The following FAM120C variants were observed in gnomAD, a reference collection of about 807,000 sequenced individuals.
The protein encoded by FAM120C is constitutive coactivator of PPAR-gamma-like protein 2.
A neutral mutation model predicts 71.2 loss-of-function variants in FAM120C; 14 were observed. That is an observed-to-expected ratio of 0.20 (90% CI 0.13 to 0.31). The LOEUF (loss-of-function observed/expected upper bound fraction) is 0.31, where lower values mean the gene tolerates loss of function less well. FAM120C is among the 10% of genes least tolerant of loss of function. The pLI, the probability that FAM120C is intolerant of heterozygous loss-of-function variation, is 1.00. For missense variants in FAM120C, 500 were observed against 879.0 expected, an observed-to-expected ratio of 0.57 and a Z score of 5.45; for synonymous variants, 354 against 353.2, an observed-to-expected ratio of 1.00 and a Z score of -0.03.
chrX:54,179,902 T>C (rs1443048985), intron 1 of FAM120C, among the ~76,000 whole-genome samples: 3 of 112,007 alleles, frequency 2.7e-5, no homozygotes, highest in Non-Finnish European at 5.6e-5. Context: ...TGGGAATTTT[T>C]CCCCAACATT....
chrX:54,168,263 A>G (rs1242787047), intron 1 of FAM120C, among the ~76,000 whole-genome samples: 2 of 111,540 alleles, frequency 1.8e-5, no homozygotes, highest in Non-Finnish European at 3.8e-5. Flanking sequence ...CAGCCTCCCA[A>G]ATAGCTGGGA....
At chrX:54,079,564 G>A (rs782133993) in intron 15 of FAM120C, among the ~76,000 whole-genome samples, 16 of 112,464 alleles carry the variant, frequency 1.4e-4, no homozygotes, top group African/African-American at 1.6e-4. Context: ...TCGGGAGGCC[G>A]AGGCGAGTGG....
chrX:54,111,223 A>G (rs931342619), intron 10 of FAM120C, among the ~76,000 whole-genome samples: 17 of 110,672 alleles, frequency 1.5e-4, no homozygotes, highest in Non-Finnish European at 3.0e-4. Context: ...CCTGTCTCCA[A>G]AAAAAGTAAC....
chrX:54,132,884 G>A lies in FAM120C; in HGVS notation c.1891-21C>T, dbSNP rs1557129653. ...TCACCCTAACAAGAGAACATTCCAG[G>A]GAAAAGGAAAAAATGAGTTACCTCA... On this transcript the variant is annotated intron_variant, in intron 8 of 15. Transcript: ENST00000375180. 12 of 1,152,846 alleles carry A rather than the reference G, an allele frequency of 1.0e-5. No individual in the cohort carries two copies. The Admixed American group carries it at 1.6e-4, about 16-fold the overall frequency.
At chrX:54,117,391 A>C (rs1314127822) in intron 9 of FAM120C, among the ~76,000 whole-genome samples, 9 of 103,181 alleles carry the variant, frequency 8.7e-5, no homozygotes, top group South Asian at 4.4e-4. Flanking sequence ...AAATAAAATA[A>C]AATAAAATAA....
chrX:54,149,626 C>T (rs1271698104), intron 4 of FAM120C, among the ~76,000 whole-genome samples: 9 of 68,075 alleles, frequency 1.3e-4, no homozygotes, highest in African/African-American at 5.1e-4. Context: ...GCAACAAGAG[C>T]GAGGCATTGT....
Position 54,183,124 on chromosome X carries a change from T to A in FAM120C, c.75A>T (p.Lys25Asn), listed in dbSNP as rs1557137889. The stretch of plus-strand genomic sequence containing the variant: ...GCTGGCGCGAGACCGTGCGCGCGAG[T>A]TTTAGGAGGTCCACGGGCACCACGG... ...PGAVVPVDLL[K>N]LARTVSRQQQ... is the part of the protein sequence containing the mutation. Residue 25 changes from lysine (K) to asparagine (N), a missense_variant, in exon 1 of 16, where the codon AAA (lysine) becomes AAT (asparagine). Physicochemically the swap from Lys to Asn is moderately conservative, Grantham distance 94. This residue lies in a region of FAM120C where 12 missense variants were observed against 30.3 expected (regional missense o/e 0.40). Coordinates refer to ENST00000375180, the MANE Select transcript of FAM120C (RefSeq NM_017848.6). 1 of 1,152,287 alleles carries A rather than the reference T, an allele frequency of 8.7e-7. No homozygotes were observed. The highest frequency in any genetic ancestry group is 1.9e-5 in the South Asian group (1 of 51,560). 95.0% of individuals were successfully genotyped at this position (1,152,287 alleles called of 1,213,427 possible).
rs1161020318 is a variant in FAM120C at position 54,072,423 on chromosome X, AAATT to A, written c.*606_*609del. On this transcript the variant is annotated 3_prime_UTR_variant, in exon 16 of 16. Transcript: ENST00000375180. Reference sequence around the variant, plus strand: ...TTGAAGTGTATAAAATAAAAAATAAAAATTAAAATAACCAATACTACCTTACTTT... The same window carrying A: ...TTGAAGTGTATAAAATAAAAAATAAAAAAATAACCAATACTACCTTACTTT... 4 of 110,570 alleles carry A rather than the reference AAATT, an allele frequency of 3.6e-5. No individual in the cohort carries two copies. Among genetic ancestry groups the A allele is most frequent in the African/African-American group, 1.3e-4 (4 of 30,320 alleles). 9.1% of individuals were successfully genotyped at this position (110,570 alleles called of 1,213,427 possible).
chrX:54,140,152 C>T (rs781837682), intron 4 of FAM120C, among the ~76,000 whole-genome samples: 4 of 107,219 alleles, frequency 3.7e-5, no homozygotes, highest in South Asian at 8.5e-4. Flanking sequence ...AAAAATTAGC[C>T]GGGTGTGGTG....
Position 54,069,311 on chromosome X carries a change from A to G in FAM120C, c.*3722T>C, listed in dbSNP as rs1468481103. On this transcript the variant is annotated 3_prime_UTR_variant, in exon 16 of 16. Coordinates refer to ENST00000375180, the MANE Select transcript of FAM120C (RefSeq NM_017848.6). Reference sequence around the variant, plus strand: ...TAAGATGACACGCAATGGAACAGTGAAAACTCAACCCCCCACCCCACACCC... The same window carrying G: ...TAAGATGACACGCAATGGAACAGTGGAAACTCAACCCCCCACCCCACACCC... 2 of 111,199 alleles carry G rather than the reference A, an allele frequency of 1.8e-5. No homozygotes were observed. The highest frequency in any genetic ancestry group is 3.8e-5 in the Non-Finnish European group (2 of 53,030). 9.2% of individuals were successfully genotyped at this position (111,199 alleles called of 1,213,427 possible).
Position 54,072,976 on chromosome X carries a change from A to T in FAM120C, c.*57T>A, listed in dbSNP as rs1167297392. The T allele has an allele frequency of 1.7e-6, 2 of 1,152,579 alleles. No individual in the cohort carries two copies. Among genetic ancestry groups the T allele is most frequent in the Non-Finnish European group, 1.2e-6 (1 of 866,038 alleles). 95.0% of individuals were successfully genotyped at this position (1,152,579 alleles called of 1,213,427 possible). A position where few individuals can be genotyped will look rare whatever the true frequency, so the allele number is the denominator to read the frequency against. ...TATCCTCCTCTAGCTTGGGCCTAAA[A>T]TCAGAAAAGTAAAAGTTTTTCCCTC... On this transcript the variant is annotated 3_prime_UTR_variant, in exon 16 of 16. Transcript: ENST00000375180.
chrX:54,182,723 T>C lies in FAM120C; in HGVS notation c.476A>G (p.Tyr159Cys), dbSNP rs781875399. 33 of 1,208,712 alleles carry C rather than the reference T, an allele frequency of 2.7e-5. No individual in the cohort carries two copies. Among genetic ancestry groups the C allele is most frequent in the Middle Eastern group, 2.3e-4 (1 of 4,371 alleles). Reference sequence around the variant, plus strand: ...GAGCTCCAGGCCGTCGCCGCCAGGATAGGCACAAGCCTGGCACAGCGCTGA... The same window carrying C: ...GAGCTCCAGGCCGTCGCCGCCAGGACAGGCACAAGCCTGGCACAGCGCTGA... ...YLSALCQACA[Y>C]PGGDGLELVV... Residue 159 changes from tyrosine (Y) to cysteine (C), a missense_variant, in exon 1 of 16, where the codon TAT (tyrosine) becomes TGT (cysteine). Physicochemically the swap from Tyr to Cys is radical, Grantham distance 194 (BLOSUM62 -2). Coordinates refer to ENST00000375180, the MANE Select transcript of FAM120C (RefSeq NM_017848.6).
At position 54,087,795 on chromosome X, in the gene FAM120C, C is replaced by T; in HGVS notation, c.2597G>A (p.Gly866Asp). The change falls in exon 12 of 16, where the codon GGC (glycine) becomes GAC (aspartate). Residue 866 changes from glycine to aspartate, a missense_variant. Gly to Asp is a moderately conservative substitution (Grantham distance 94). Coordinates refer to ENST00000375180, the MANE Select transcript of FAM120C (RefSeq NM_017848.6). ...KLFQSKLIKA[G>D]RERVSLVELC... ...CTCAACCAGAGATACTCGCTCTCGG[C>T]CTGCTTTAATTAGCTTGCTCTGGAA... The T allele has an allele frequency of 8.3e-7, 1 of 1,211,455 alleles. No homozygotes were observed. Among genetic ancestry groups the T allele is most frequent in the South Asian group, 1.8e-5 (1 of 56,960 alleles).
intron 3 of FAM120C, among the ~76,000 whole-genome samples, chrX:54,156,074 T>C (rs782563356): frequency 9.1e-6 from 1 of 110,303 alleles, no homozygotes; most frequent in African/African-American, 3.3e-5. Context: ...TTCATATAGG[T>C]GAGGTGAAGA....
At chrX:54,090,175 G>C (rs782358476) in intron 11 of FAM120C, among the ~76,000 whole-genome samples, 15 of 109,418 alleles carry the variant, frequency 1.4e-4, no homozygotes, top group Non-Finnish European at 2.8e-4. Flanking sequence ...GGTAATGAGC[G>C]AGTTTTCACT....
At position 54,091,322 on chromosome X, in the gene FAM120C, T is replaced by C. The variant is rs1557122601; in HGVS notation, c.2417A>G (p.Gln806Arg). The change falls in exon 11 of 16, where the codon CAA becomes CGA. Residue 806 changes from glutamine to arginine, a missense_variant. Physicochemically the swap from Gln to Arg is conservative, Grantham distance 43. This residue lies in a region of FAM120C where 104 missense variants were observed against 254.5 expected (regional missense o/e 0.41). Transcript: ENST00000375180. ...STQLYEPDRL[Q>R]ELKIEKLDAR... The stretch of plus-strand genomic sequence containing the variant: ...GGTACATGAACTCACCTTGAGTTCT[T>C]GGAGTCGATCTGGTTCATAAAGCTG... 8.3e-7 allele frequency: 1 copy of C among 1,199,249 alleles called. No homozygotes were observed. The highest frequency in any genetic ancestry group is 1.8e-5 in the South Asian group (1 of 56,370).
intron 3 of FAM120C, 68 bp downstream of exon 3, chrX:54,157,621 T>C: frequency 4.1e-6 from 3 of 733,441 alleles, no homozygotes; most frequent in Middle Eastern, 3.7e-4. Context: ...AAGATAATTA[T>C]TCCATCAAAA....
In FAM120C at chrX:54,151,342, C is replaced by T; in HGVS notation, c.1061G>A (p.Cys354Tyr). 1 of 1,210,151 alleles carries T rather than the reference C, an allele frequency of 8.3e-7. No individual in the cohort carries two copies. Among genetic ancestry groups the T allele is most frequent in the Non-Finnish European group, 1.1e-6 (1 of 894,989 alleles). Residue 354 changes from cysteine to tyrosine, a missense_variant, in exon 4 of 16, where the codon TGT becomes TAT. Transcript: ENST00000375180. The stretch of plus-strand genomic sequence containing the variant: ...AGAAACAGCCTTGATCACCACGTCA[C>T]AGGGAGGAAGAACCAGCTGATGAGC... The part of the protein sequence containing the change: ...VRAHQLVLPP[C>Y]DVVIKAVSEY...
At position 54,139,316 on chromosome X, in the gene FAM120C, A is replaced by AT. The variant is rs199660934; in HGVS notation, c.1159-2727dup. ...ATAATGTTATCTCTCATAGATTTTG[A>AT]TTTTTTTTTTGCTTTTATTTATTTA... is the stretch of plus-strand genomic sequence containing the variant. On this transcript the variant is annotated intron_variant, in intron 4 of 15. Coordinates refer to ENST00000375180, the MANE Select transcript of FAM120C (RefSeq NM_017848.6). 9.2e-4 allele frequency among the ~76,000 whole-genome samples: 61 copies of AT among 66,332 alleles called. 1 individual carries two copies. Among genetic ancestry groups the AT allele is most frequent in the South Asian group, 6.1e-3 (8 of 1,309 alleles). 57.6% of individuals were successfully genotyped at this position (66,332 alleles called of 115,157 possible). A position where few individuals can be genotyped will look rare whatever the true frequency, so the allele number is the denominator to read the frequency against.
Sources: gnomAD v4.1 joint callset for allele counts (sites outside exome capture counted in the v4.1 genomes callset) on GRCh38, gnomAD v4.1.1 for gene constraint, gnomAD v4.1.1 regional missense constraint, MANE v1.5 for transcripts, NCBI Gene and HGNC (gene_info 2026-07-23, HGNC 2026-07-21) for gene names.